The following IQSEC3 variants were observed in gnomAD, a reference collection of about 807,000 sequenced individuals.
IQSEC3 encodes the protein IQ motif and Sec7 domain ArfGEF 3.
A neutral mutation model predicts 105.4 loss-of-function variants in IQSEC3; 50 were observed. The ratio of observed to expected loss-of-function variants is 0.47; its 90% CI spans 0.38 to 0.60. IQSEC3 has a LOEUF of 0.60. Among genes scored for constraint, IQSEC3 ranks in the 20% least tolerant of loss-of-function variants. The pLI, the probability that IQSEC3 is intolerant of heterozygous loss-of-function variation, is 0.00. For missense variants in IQSEC3, 1,415 were observed against 1,630.0 expected (o/e 0.87, Z 2.27); for synonymous variants, 708 against 746.0 (o/e 0.95, Z 0.83).
At chr12:173,084 G>A (rs1939093203) in intron 13 of IQSEC3, among the ~76,000 whole-genome samples, 5 of 152,202 alleles carry the variant, frequency 3.3e-5, no homozygotes, top group African/African-American at 1.2e-4. Context: ...GTCTCCTGGG[G>A]AGGAATTCAG....
chr12:76,431 C>T (rs1207905342), intron 1 of IQSEC3, among the ~76,000 whole-genome samples: 2 of 152,252 alleles, frequency 1.3e-5, no homozygotes, highest in East Asian at 1.9e-4. Context: ...AGTTGGAGGA[C>T]AACCCACACT....
chr12:119,759 A>C (rs1865159689), intron 2 of IQSEC3, among the ~76,000 whole-genome samples: 1 of 152,160 alleles, frequency 6.6e-6, no homozygotes. Flanking sequence ...GAGCCTTTAC[A>C]TCCCCACTGA....
intron 2 of IQSEC3, among the ~76,000 whole-genome samples, chr12:108,196 CT>C (rs1243914915): frequency 6.6e-6 from 1 of 152,230 alleles, no homozygotes; most frequent in Non-Finnish European, 1.5e-5. Context: ...AAGCAGGAGG[CT>C]TTTTAAAACT....
Position 165,540 on chromosome 12 carries a change from C to A in IQSEC3, c.2809+7C>A. On this transcript the variant is annotated splice_region_variant and intron_variant, in intron 10 of 13. Coordinates refer to ENST00000538872, the MANE Select transcript of IQSEC3 (RefSeq NM_001170738.2). ...CAGCTCTTTGAGAACGAGTGTAAGT[C>A]TTTGACAGCCAGTGTAAGTCTTTGA... is the stretch of plus-strand genomic sequence containing the variant. The A allele has an allele frequency of 6.2e-7, 1 of 1,611,262 alleles. No homozygotes were observed. Among genetic ancestry groups the A allele is most frequent in the Non-Finnish European group, 8.5e-7 (1 of 1,177,424 alleles).
In IQSEC3 at chr12:161,603, C is replaced by T. The variant is rs114910068; in HGVS notation, c.2444-323C>T. 3.5e-3 allele frequency among the ~76,000 whole-genome samples: 536 copies of T among 152,204 alleles called. 4 individuals carry two copies. Among genetic ancestry groups the T allele is most frequent in the African/African-American group, 0.012 (492 of 41,522 alleles). On this transcript the variant is annotated intron_variant, in intron 7 of 13. Coordinates refer to ENST00000538872, the MANE Select transcript of IQSEC3 (RefSeq NM_001170738.2). ...AAGGAAGACGACAGAACTGCAGAGG[C>T]GCACAGGGTTAGCAGGAACATGGAG...
intron 11 of IQSEC3, 134 bp from the exon 12 acceptor site, chr12:168,879 G>T (rs1555099319): frequency 9.2e-6 from 7 of 756,890 alleles, no homozygotes; most frequent in Non-Finnish European, 6.9e-6. Flanking sequence ...CCAGACCCGA[G>T]GTCCGTGTTT....
chr12:133,711 T>C (rs1284466824), intron 3 of IQSEC3, among the ~76,000 whole-genome samples: 1 of 151,372 alleles, frequency 6.6e-6, no homozygotes, highest in African/African-American at 2.4e-5. Context: ...ATCTGGCATT[T>C]GCTCCTGGAG....
chr12:99,499 C>T (rs142841105), intron 2 of IQSEC3, among the ~76,000 whole-genome samples: 2 of 152,310 alleles, frequency 1.3e-5, no homozygotes, highest in Non-Finnish European at 2.9e-5. Context: ...TGTAAGCAGC[C>T]GGGAAAGTTG....
chr12:130,641 C>T (rs1286441277), intron 3 of IQSEC3, among the ~76,000 whole-genome samples: 1 of 152,214 alleles, frequency 6.6e-6, no homozygotes, highest in Non-Finnish European at 1.5e-5. Flanking sequence ...CATAGCGTGT[C>T]CCCCATGCCT....
chr12:75,561 G>A (rs1863485568), intron 1 of IQSEC3, among the ~76,000 whole-genome samples: 1 of 152,202 alleles, frequency 6.6e-6, no homozygotes, highest in Admixed American at 6.5e-5. Flanking sequence ...TTTTTTGGAT[G>A]GTGAAATGTC....
intron 5 of IQSEC3, among the ~76,000 whole-genome samples, chr12:146,076 G>C (rs1866255069): frequency 1.3e-5 from 2 of 152,186 alleles, no homozygotes; most frequent in Admixed American, 6.5e-5. Context: ...TTATTTCCAT[G>C]GAAATATGTT....
At chr12:171,587 G>T in intron 13 of IQSEC3, 1 of 569,964 alleles carries the variant, frequency 1.8e-6, no homozygotes, top group Non-Finnish European at 3.1e-6. Context: ...GGGGAGCCTG[G>T]GCTCCCTCGG....
chr12:112,906 T>C (rs1189558766), intron 2 of IQSEC3, among the ~76,000 whole-genome samples: 3 of 152,018 alleles, frequency 2.0e-5, no homozygotes, highest in African/African-American at 4.8e-5. Flanking sequence ...AAAAATATTA[T>C]CATAATATTT....
rs188789716 is a variant in IQSEC3 at position 90,365 on chromosome 12, G to A, written c.555-8781G>A. ...GCTAACTTAGCAATTTTTTTGTTTC[G>A]TGGCTTGTGCTTTCTGGTCCTATCT... On this transcript the variant is annotated intron_variant, in intron 1 of 13. Transcript: ENST00000538872. Among the ~76,000 whole-genome samples, 668 of 152,054 alleles carry A rather than the reference G, an allele frequency of 4.4e-3. 5 individuals are homozygous for A. Among genetic ancestry groups the A allele is most frequent in the East Asian group, 0.027 (140 of 5,188 alleles).
chr12:143,205 G>C (rs1352304435), intron 5 of IQSEC3: 1 of 152,880 alleles, frequency 6.5e-6, no homozygotes, highest in East Asian at 1.9e-4. Flanking sequence ...TGCTGAGGAG[G>C]GGAGCTGGGC....
At chr12:112,250 A>G (rs1367477680) in intron 2 of IQSEC3, among the ~76,000 whole-genome samples, 1 of 146,682 alleles carries the variant, frequency 6.8e-6, no homozygotes, top group Non-Finnish European at 1.5e-5. Flanking sequence ...TTCATCTTAG[A>G]CTAAACTTCT....
intron 5 of IQSEC3, 48 bp downstream of exon 5, chr12:141,333 C>A (rs367799804): frequency 1.3e-6 from 2 of 1,577,016 alleles, no homozygotes; most frequent in South Asian, 1.1e-5. Flanking sequence ...CCACACCCCA[C>A]CTGCCCGGGC....
intron 3 of IQSEC3, among the ~76,000 whole-genome samples, chr12:126,856 C>T (rs187308657): frequency 6.6e-6 from 1 of 152,298 alleles, no homozygotes; most frequent in Non-Finnish European, 1.5e-5. Context: ...GTGGGAAGGC[C>T]ACTAAGACTG....
intron 2 of IQSEC3, among the ~76,000 whole-genome samples, chr12:115,162 C>A (rs75730278): frequency 0.038 from 5,758 of 152,302 alleles, 405 homozygotes; most frequent in African/African-American, 0.13. Flanking sequence ...ATTTCCATTT[C>A]TTGGGTCACA....
Sources: allele counts gnomAD v4.1 joint callset (sites outside exome capture counted in the v4.1 genomes callset), GRCh38; gene constraint gnomAD v4.1.1; transcripts MANE v1.5; gene names NCBI Gene and HGNC (gene_info 2026-07-23, HGNC 2026-07-21).